The following FGF14 variants were observed in gnomAD, a reference collection of about 807,000 sequenced individuals.
The protein encoded by FGF14 is fibroblast growth factor homologous factor 4.
A neutral mutation model predicts 25.5 loss-of-function variants in FGF14; 5 were observed. The ratio of observed to expected loss-of-function variants is 0.20; its 90% CI spans 0.10 to 0.41. The LOEUF (loss-of-function observed/expected upper bound fraction) is 0.41. Among genes scored for constraint, FGF14 ranks in the 10% least tolerant of loss-of-function variants. The pLI, the probability that FGF14 is intolerant of heterozygous loss-of-function variation, is 1.00. For missense variants in FGF14, 222 were observed against 320.1 expected, an observed-to-expected ratio of 0.69 and a Z score of 2.34; for synonymous variants, 138 against 118.3, an observed-to-expected ratio of 1.17 and a Z score of -1.08.
At chr13:102,239,171 A>G (rs996500145) in intron 1 of FGF14, among the ~76,000 whole-genome samples, 22 of 152,164 alleles carry the variant, frequency 1.4e-4, no homozygotes, top group Admixed American at 3.9e-4. Flanking sequence ...TGAAGTAGCA[A>G]TTGCATTGTA....
intron 1 of FGF14, among the ~76,000 whole-genome samples, chr13:102,104,156 C>T (rs2044792683): frequency 6.6e-6 from 1 of 152,204 alleles, no homozygotes; most frequent in African/African-American, 2.4e-5. Context: ...CAGCCATCAG[C>T]ACCAGTACTG....
chr13:102,112,690 T>C (rs747391256), intron 1 of FGF14, among the ~76,000 whole-genome samples: 11 of 152,228 alleles, frequency 7.2e-5, no homozygotes, highest in South Asian at 2.1e-4. Flanking sequence ...AAATCCTTAA[T>C]AGTAATGACA....
At chr13:102,152,621 C>T (rs1319009576) in intron 1 of FGF14, among the ~76,000 whole-genome samples, 6 of 152,138 alleles carry the variant, frequency 3.9e-5, no homozygotes, top group Admixed American at 3.3e-4. Context: ...CAATTCATCC[C>T]ACAATACTGG....
intron 1 of FGF14, among the ~76,000 whole-genome samples, chr13:102,104,852 G>A (rs920696750): frequency 5.9e-5 from 9 of 152,108 alleles, no homozygotes; most frequent in Non-Finnish European, 1.2e-4. Flanking sequence ...GCAGCCACTG[G>A]CATGAAGGTT....
At chr13:102,035,960 A>AG in intron 1 of FGF14, among the ~76,000 whole-genome samples, 1 of 152,184 alleles carries the variant, frequency 6.6e-6, no homozygotes. Context: ...GATCAATGTA[A>AG]GGGAAATCCC....
intron 3 of FGF14, among the ~76,000 whole-genome samples, chr13:101,752,252 G>A (rs909395601): frequency 2.0e-5 from 3 of 152,096 alleles, no homozygotes; most frequent in African/African-American, 7.2e-5. Context: ...TGAAGTACTT[G>A]TTTTTGCTTC....
At chr13:102,075,105 C>T (rs1413484701) in intron 1 of FGF14, among the ~76,000 whole-genome samples, 1 of 152,090 alleles carries the variant, frequency 6.6e-6, no homozygotes, top group Admixed American at 6.6e-5. Context: ...AAATAAAAGG[C>T]ATCCAAGACA....
chr13:102,161,610 G>GTC (rs2047686973), intron 1 of FGF14, among the ~76,000 whole-genome samples: 1 of 2,922 alleles, frequency 3.4e-4, no homozygotes, highest in African/African-American at 3.3e-3. Context: ...AGAAGAAGAA[G>GTC]AAGAAGAAGA....
At chr13:102,162,316 T>C (rs939059816) in intron 1 of FGF14, among the ~76,000 whole-genome samples, 2 of 152,126 alleles carry the variant, frequency 1.3e-5, no homozygotes, top group Admixed American at 6.6e-5. Context: ...TGAAAAGCAA[T>C]TGAAGAGAAA....
chr13:101,870,075 G>A (rs1232459476), intron 2 of FGF14, among the ~76,000 whole-genome samples: 3 of 152,158 alleles, frequency 2.0e-5, no homozygotes, highest in Non-Finnish European at 2.9e-5. Flanking sequence ...TCTATGGTTA[G>A]TTGGATATTA....
intron 1 of FGF14, among the ~76,000 whole-genome samples, chr13:102,083,687 T>C (rs908329610): frequency 1.3e-5 from 2 of 152,232 alleles, no homozygotes; most frequent in Admixed American, 1.3e-4. Flanking sequence ...CGATTTATGA[T>C]TTTACCTGCA....
intron 1 of FGF14, among the ~76,000 whole-genome samples, chr13:102,186,627 A>G (rs1041343381): frequency 1.3e-5 from 2 of 152,178 alleles, no homozygotes; most frequent in East Asian, 1.9e-4. Flanking sequence ...ATGTCTATAC[A>G]TATAATTTTC....
chr13:102,062,290 A>G (rs2042723606), intron 1 of FGF14, among the ~76,000 whole-genome samples: 1 of 152,010 alleles, frequency 6.6e-6, no homozygotes, highest in African/African-American at 2.4e-5. Flanking sequence ...AATAATAAAT[A>G]CCCAAAATAA....
intron 1 of FGF14, among the ~76,000 whole-genome samples, chr13:101,961,394 T>C (rs1274173981): frequency 2.6e-5 from 4 of 152,214 alleles, no homozygotes; most frequent in Admixed American, 1.3e-4. Flanking sequence ...CCAGTTTCAA[T>C]TTTCTGCAAA....
At chr13:101,938,966 G>A (rs569565686) in intron 1 of FGF14, among the ~76,000 whole-genome samples, 4 of 152,296 alleles carry the variant, frequency 2.6e-5, no homozygotes, top group African/African-American at 4.8e-5. Flanking sequence ...ATAATGGAGT[G>A]GGGATGAGCA....
chr13:102,070,706 AG>A (rs2140148206), intron 1 of FGF14, among the ~76,000 whole-genome samples: 1 of 152,356 alleles, frequency 6.6e-6, no homozygotes, highest in East Asian at 1.9e-4. Flanking sequence ...ATTTTGACAA[AG>A]GAATTGAACT....
chr13:101,941,400 G>C (rs931217117), intron 1 of FGF14, among the ~76,000 whole-genome samples: 1 of 152,158 alleles, frequency 6.6e-6, no homozygotes, highest in South Asian at 2.1e-4. Flanking sequence ...ATAATAACAC[G>C]ATAAGACCAC....
chr13:102,083,984 A>C (rs1011182726), intron 1 of FGF14, among the ~76,000 whole-genome samples: 2 of 152,114 alleles, frequency 1.3e-5, no homozygotes, highest in Non-Finnish European at 2.9e-5. Context: ...AGTCTCTCTT[A>C]ATCTCCGAGT....
intron 1 of FGF14, among the ~76,000 whole-genome samples, chr13:101,903,880 G>A (rs1374864514): frequency 6.6e-6 from 1 of 152,126 alleles, no homozygotes; most frequent in African/African-American, 2.4e-5. Flanking sequence ...TGAGTGTACG[G>A]AGTACAGGTG....
Sources: gnomAD v4.1 joint callset for allele counts (sites outside exome capture counted in the v4.1 genomes callset) on GRCh38, gnomAD v4.1.1 for gene constraint, MANE v1.5 for transcripts, NCBI Gene and HGNC (gene_info 2026-07-23, HGNC 2026-07-21) for gene names.